Variants in TMEM132C observed in about 807,000 individuals in gnomAD.
TMEM132C encodes the protein protein phosphatase 1, regulatory subunit 152.
In TMEM132C, 29 loss-of-function variants were observed where a neutral mutation model predicts 61.4. The ratio of observed to expected loss-of-function variants is 0.47; its 90% confidence interval spans 0.35 to 0.64. The LOEUF is 0.64. Among genes scored for constraint, TMEM132C ranks in the 30% least tolerant of loss-of-function variants. The probability of loss-of-function intolerance (pLI) is 0.00; values close to 1 mark genes in which losing one functional copy is unlikely to be tolerated. For synonymous variants in TMEM132C, 656 were observed against 633.1 expected (o/e 1.04, Z -0.54); for missense variants, 1,408 against 1,476.9 (o/e 0.95, Z 0.76).
At chr12:128,475,713 G>A (rs112623605) in intron 2 of TMEM132C, among the ~76,000 whole-genome samples, 8 of 152,072 alleles carry the variant, frequency 5.3e-5, no homozygotes, top group South Asian at 4.2e-4. Flanking sequence ...AATATGTATC[G>A]CAATATTTGC....
At chr12:128,591,081 G>A (rs948194256) in intron 3 of TMEM132C, among the ~76,000 whole-genome samples, 4 of 152,066 alleles carry the variant, frequency 2.6e-5, no homozygotes, top group African/African-American at 4.8e-5. Flanking sequence ...CTGCAGCCAC[G>A]CTTTATTGTT....
At position 128,454,451 on chromosome 12, in the gene TMEM132C, G is replaced by A. The variant is rs12314683; in HGVS notation, c.974+38831G>A. Among the ~76,000 whole-genome samples, 1,305 of 152,296 alleles carry A rather than the reference G, an allele frequency of 8.6e-3. 28 individuals carry two copies. The highest frequency in any genetic ancestry group is 0.03 in the African/African-American group (1,247 of 41,570). On this transcript the variant is annotated intron_variant, in intron 2 of 8. Coordinates refer to ENST00000435159, the MANE Select transcript of TMEM132C (RefSeq NM_001136103.3). The stretch of plus-strand genomic sequence containing the variant: ...CCAGCTCCAGAAGTTGATGTGATTG[G>A]TCTTCTGATTCCTATTGTTGTTTAC...
Position 128,326,367 on chromosome 12 carries a change from C to T in TMEM132C, c.85+58880C>T, listed in dbSNP as rs1007992936. On this transcript the variant is annotated intron_variant, in intron 1 of 8. Transcript: ENST00000435159. The surrounding 1 kb of genome is among the most constrained non-coding windows in gnomAD (Gnocchi z 5.6). ...GTGTAGCAGGGTTTCACTTTTCGAG[C>T]TGCCAGATCTGCTGGAGAAAATTAT... Among the ~76,000 whole-genome samples the T allele has an allele frequency of 6.6e-6, 1 of 152,214 alleles. No homozygotes were observed. Among genetic ancestry groups the T allele is most frequent in the Non-Finnish European group, 1.5e-5 (1 of 68,040 alleles).
chr12:128,396,502 C>G (rs1874962722), intron 1 of TMEM132C, among the ~76,000 whole-genome samples: 1 of 152,056 alleles, frequency 6.6e-6, no homozygotes, highest in African/African-American at 2.4e-5. Context: ...AGCAAACCAC[C>G]ATGGCACATG....
At chr12:128,544,128 G>A (rs1403658461) in intron 3 of TMEM132C, 25 bp downstream of exon 3, 29 of 1,489,778 alleles carry the variant, frequency 1.9e-5, no homozygotes, top group East Asian at 5.1e-5. Flanking sequence ...CCCTGCAAGC[G>A]TGTGTGGTTC....
intron 1 of TMEM132C, among the ~76,000 whole-genome samples, chr12:128,340,878 T>TTTCTTC (rs1260780789): frequency 1.1e-4 from 16 of 149,762 alleles, no homozygotes; most frequent in African/African-American, 3.7e-4. Flanking sequence ...CCTTCCTTTC[T>TTTCTTC]TTTTTCTTTT....
At position 128,285,970 on chromosome 12, in the gene TMEM132C, T is replaced by C. The variant is rs60845079; in HGVS notation, c.85+18483T>C. Among the ~76,000 whole-genome samples, 236 of 117,366 alleles carry C rather than the reference T, an allele frequency of 2.0e-3. 18 individuals carry two copies. The highest frequency in any genetic ancestry group is 0.01 in the African/African-American group (214 of 20,756). 77.0% of individuals were successfully genotyped at this position (117,366 alleles called of 152,430 possible). A position where few individuals can be genotyped will look rare whatever the true frequency, so the allele number is the denominator to read the frequency against. ...CTTTCTCTCTCTCCCCATCTCTATC[T>C]CTCTCTCCCTTTCTCTCTTTCTCTC... On this transcript the variant is annotated intron_variant, in intron 1 of 8. Coordinates refer to ENST00000435159, the MANE Select transcript of TMEM132C (RefSeq NM_001136103.3).
At chr12:128,559,138 GAC>G (rs1216177327) in intron 3 of TMEM132C, among the ~76,000 whole-genome samples, 2 of 146,522 alleles carry the variant, frequency 1.4e-5, no homozygotes, top group African/African-American at 2.5e-5. Flanking sequence ...GACACACACA[GAC>G]ACACACACAA....
chr12:128,361,126 T>C (rs944415400), intron 1 of TMEM132C, among the ~76,000 whole-genome samples: 1 of 152,190 alleles, frequency 6.6e-6, no homozygotes, highest in Non-Finnish European at 1.5e-5. Flanking sequence ...ATGCTTGAGT[T>C]TGATGCTCGT....
chr12:128,554,185 G>C (rs2136157786), intron 3 of TMEM132C, among the ~76,000 whole-genome samples: 1 of 152,352 alleles, frequency 6.6e-6, no homozygotes, highest in East Asian at 1.9e-4. Flanking sequence ...TGCAAAGCTA[G>C]CTGGACTCAG....
At chr12:128,343,303 A>C (rs1873037992) in intron 1 of TMEM132C, among the ~76,000 whole-genome samples, 1 of 151,978 alleles carries the variant, frequency 6.6e-6, no homozygotes, top group Non-Finnish European at 1.5e-5. Context: ...GCGTGGTTGT[A>C]GTCCCAGCTA....
At chr12:128,304,711 A>C (rs1458206828) in intron 1 of TMEM132C, among the ~76,000 whole-genome samples, 1 of 152,214 alleles carries the variant, frequency 6.6e-6, no homozygotes, top group African/African-American at 2.4e-5. Context: ...TATGTGAAAA[A>C]ATCTGGGAAG....
chr12:128,697,602 A>C (rs1349752179), intron 8 of TMEM132C, among the ~76,000 whole-genome samples, 187 bp downstream of exon 8: 2 of 152,210 alleles, frequency 1.3e-5, no homozygotes, highest in Non-Finnish European at 2.9e-5. Context: ...CAGACCATTT[A>C]CCAGCCTCCT....
intron 2 of TMEM132C, among the ~76,000 whole-genome samples, chr12:128,538,167 C>A (rs1407157302): frequency 2.6e-5 from 4 of 152,186 alleles, no homozygotes; most frequent in African/African-American, 9.6e-5. Context: ...GTTGCCCAGG[C>A]TGGAGTGCAG....
chr12:128,419,332 C>G (rs1868900466), intron 2 of TMEM132C, among the ~76,000 whole-genome samples: 1 of 152,172 alleles, frequency 6.6e-6, no homozygotes, highest in Non-Finnish European at 1.5e-5. Context: ...GGAATTCCAT[C>G]CTGCATAAAA....
chr12:128,459,189 A>G (rs1593061113), intron 2 of TMEM132C, among the ~76,000 whole-genome samples: 1 of 152,162 alleles, frequency 6.6e-6, no homozygotes, highest in South Asian at 2.1e-4. Context: ...TTCTCTGCAT[A>G]CCTCTAATTT....
At chr12:128,695,138 G>A (rs1344911774) in intron 6 of TMEM132C, among the ~76,000 whole-genome samples, 1 of 152,222 alleles carries the variant, frequency 6.6e-6, no homozygotes, top group African/African-American at 2.4e-5. Flanking sequence ...TGTCCAATAT[G>A]GTGGTCACTA....
intron 8 of TMEM132C, among the ~76,000 whole-genome samples, chr12:128,703,542 A>G (rs1331152245): frequency 6.6e-6 from 1 of 152,110 alleles, no homozygotes; most frequent in Non-Finnish European, 1.5e-5. Context: ...TATCCAGTTT[A>G]TCATTAATGG....
chr12:128,373,674 T>C (rs1220516242), intron 1 of TMEM132C, among the ~76,000 whole-genome samples: 2 of 152,180 alleles, frequency 1.3e-5, no homozygotes, highest in Non-Finnish European at 1.5e-5. Context: ...TGTTGTTGAC[T>C]GCTAAGCCAG....
Sources: allele counts gnomAD v4.1 joint callset (sites outside exome capture counted in the v4.1 genomes callset), GRCh38; gene constraint gnomAD v4.1.1; non-coding constraint Gnocchi (gnomAD v3.1); transcripts MANE v1.5; gene names NCBI Gene and HGNC (gene_info 2026-07-23, HGNC 2026-07-21).